Variants in ANK3 observed in about 807,000 individuals in gnomAD.
ANK3 encodes the protein ankyrin-3.
A neutral mutation model predicts 370.9 loss-of-function variants in ANK3; 57 were observed. The observed-to-expected ratio is 0.15, with a 90% CI of 0.12 to 0.19. The LOEUF is 0.19. Among genes scored for constraint, ANK3 ranks in the 10% least tolerant of loss-of-function variants. ANK3 has a pLI of 1.00. For synonymous variants in ANK3, 1,929 were observed against 1,946.3 expected (o/e 0.99, Z 0.23); for missense variants, 4,439 against 5,302.1 (o/e 0.84, Z 5.06).
At chr10:60,057,795 G>A (rs2079513468) in intron 41 of ANK3, among the ~76,000 whole-genome samples, 5 of 152,158 alleles carry the variant, frequency 3.3e-5, no homozygotes, top group Admixed American at 2.6e-4. Context: ...TCCCTGATAT[G>A]TAACTATAAA....
At chr10:60,111,484 G>A (rs2092705153) in intron 26 of ANK3, among the ~76,000 whole-genome samples, 1 of 152,078 alleles carries the variant, frequency 6.6e-6, no homozygotes, top group African/African-American at 2.4e-5. Flanking sequence ...GTGTGAAAAA[G>A]TCATGCAACA....
At chr10:60,358,585 C>A (rs1210163924) in intron 1 of ANK3, among the ~76,000 whole-genome samples, 1 of 152,178 alleles carries the variant, frequency 6.6e-6, no homozygotes, top group Non-Finnish European at 1.5e-5. Flanking sequence ...AAATTCAATA[C>A]ACTCACAGAT....
Position 60,068,657 on chromosome 10 carries a change from T to C in ANK3, c.12224A>G (p.Lys4075Arg), listed in dbSNP as rs2082088543. Reference sequence around the variant, plus strand: ...CTCACCAGTCCTTCTACTGCTCCTTTTCTCACTGCCGGCCTTTTCACTCTT... The same window carrying C: ...CTCACCAGTCCTTCTACTGCTCCTTCTCTCACTGCCGGCCTTTTCACTCTT... ...KSKSEKAGSE[K>R]RSSRRTGPQS... The change falls in exon 37 of 44, where the codon AAA (lysine) becomes AGA (arginine). Residue 4075 changes from lysine to arginine, a missense_variant. Lys to Arg is a conservative substitution (Grantham distance 26). This residue lies in a region of ANK3 where 99 missense variants were observed against 150.7 expected (regional missense o/e 0.66). Coordinates refer to ENST00000280772, the MANE Select transcript of ANK3 (RefSeq NM_020987.5). 4.3e-6 allele frequency: 7 copies of C among 1,609,868 alleles called. No homozygotes were observed. The highest frequency in any genetic ancestry group is 5.9e-6 in the Non-Finnish European group (7 of 1,177,500).
At chr10:60,402,905 G>C (rs774346206) in intron 2 of ANK3, among the ~76,000 whole-genome samples, 5 of 152,124 alleles carry the variant, frequency 3.3e-5, no homozygotes, top group African/African-American at 4.8e-5. Flanking sequence ...TACATAAGTG[G>C]TTATTATTTT....
intron 2 of ANK3, among the ~76,000 whole-genome samples, chr10:60,472,300 C>T (rs1405500215): frequency 6.6e-6 from 1 of 152,112 alleles, no homozygotes; most frequent in Non-Finnish European, 1.5e-5. Context: ...TTGAGACTAA[C>T]TCAAGGTCAG....
intron 21 of ANK3, 104 bp from the exon 22 acceptor site, chr10:60,167,000 T>C: frequency 3.3e-6 from 3 of 899,782 alleles, no homozygotes; most frequent in African/African-American, 1.7e-5. Context: ...ATGTATGTGT[T>C]GAATATCTTG....
chr10:60,333,673 T>G lies in ANK3; in HGVS notation c.115-54034A>C, dbSNP rs576576036. Among the ~76,000 whole-genome samples the G allele has an allele frequency of 6.6e-5, 10 of 152,326 alleles. No individual in the cohort carries two copies. In the East Asian group the frequency reaches 1.9e-3, roughly 29 times the overall value. Reference sequence around the variant, plus strand: ...TTGGGTATACACCCAGTAATGGGATTGCTGGGTCAAATGGTATTTCTAGTT... The same window carrying G: ...TTGGGTATACACCCAGTAATGGGATGGCTGGGTCAAATGGTATTTCTAGTT... On this transcript the variant is annotated intron_variant, in intron 1 of 43. Transcript: ENST00000280772.
intron 2 of ANK3, among the ~76,000 whole-genome samples, chr10:60,544,192 A>C (rs911889806): frequency 1.3e-5 from 2 of 152,044 alleles, no homozygotes; most frequent in African/African-American, 4.8e-5. Context: ...AAATATCCAT[A>C]TATGTTTTAT....
intron 2 of ANK3, among the ~76,000 whole-genome samples, chr10:60,481,534 C>T (rs1440833186): frequency 6.6e-6 from 1 of 152,250 alleles, no homozygotes; most frequent in East Asian, 1.9e-4. Flanking sequence ...GCAATCTCGG[C>T]TCACTGTAAC....
chr10:60,142,395 A>G (rs186391006), intron 23 of ANK3, among the ~76,000 whole-genome samples: 58 of 152,308 alleles, frequency 3.8e-4, no homozygotes, highest in Non-Finnish European at 6.6e-4. Context: ...ACATCTGCTT[A>G]GTCTTTCCCA....
intron 2 of ANK3, among the ~76,000 whole-genome samples, chr10:60,548,424 T>C (rs1390871842): frequency 6.6e-6 from 1 of 151,748 alleles, no homozygotes; most frequent in Non-Finnish European, 1.5e-5. Context: ...TGTTTGTTTG[T>C]TTTTTAGTAG....
intron 1 of ANK3, among the ~76,000 whole-genome samples, chr10:60,639,149 TTAAG>T (rs1354304712): frequency 1.3e-5 from 2 of 151,484 alleles, no homozygotes; most frequent in Non-Finnish European, 2.9e-5. Context: ...AAAGGACACA[TTAAG>T]TAAGAGCAAA....
intron 23 of ANK3, among the ~76,000 whole-genome samples, chr10:60,149,784 C>T (rs920301540): frequency 6.6e-6 from 1 of 152,248 alleles, no homozygotes; most frequent in African/African-American, 2.4e-5. Flanking sequence ...TCTCGGCTCA[C>T]TGCAACCTCC....
In ANK3 at chr10:60,418,203, T is replaced by A. The variant is rs144893933; in HGVS notation, c.97-138564A>T. Among the ~76,000 whole-genome samples, 920 of 152,294 alleles carry A rather than the reference T, an allele frequency of 6.0e-3. 9 individuals are homozygous for A. The highest frequency in any genetic ancestry group is 8.9e-3 in the Non-Finnish European group (608 of 68,018). On this transcript the variant is annotated intron_variant, in intron 2 of 43. Transcript: ENST00000373827. ...TCCAGGTCACAGCCAGAATGGTCCA[T>A]CTGAAGCACCACTGTGACTATGTTT...
At chr10:60,146,420 G>A (rs993562348) in intron 23 of ANK3, among the ~76,000 whole-genome samples, 6 of 152,178 alleles carry the variant, frequency 3.9e-5, no homozygotes, top group Non-Finnish European at 1.5e-5. Context: ...CATAGTACCT[G>A]ATAGACAGTT....
intron 1 of ANK3, among the ~76,000 whole-genome samples, chr10:60,360,841 C>G (rs1208425239): frequency 6.6e-6 from 1 of 151,804 alleles, no homozygotes; most frequent in African/African-American, 2.4e-5. Context: ...CGTGTAAAAC[C>G]CTTATTTAAA....
At chr10:60,271,097 T>C (rs540093388) in intron 4 of ANK3, among the ~76,000 whole-genome samples, 61 of 152,338 alleles carry the variant, frequency 4.0e-4, no homozygotes, top group African/African-American at 1.5e-3. Flanking sequence ...TAGAATAATG[T>C]ATTTCATATC....
intron 21 of ANK3, among the ~76,000 whole-genome samples, chr10:60,169,378 T>C (rs1055633947): frequency 4.0e-5 from 6 of 150,672 alleles, no homozygotes; most frequent in African/African-American, 1.5e-4. Context: ...TTTTTTTTTT[T>C]TTTTTTTTTT....
chr10:60,536,414 T>C (rs1038689800), intron 2 of ANK3, among the ~76,000 whole-genome samples: 2 of 152,046 alleles, frequency 1.3e-5, no homozygotes, highest in African/African-American at 4.8e-5. Flanking sequence ...ATTAGAGAAA[T>C]GCCACCTGAA....
Sources: gnomAD v4.1 joint callset for allele counts (sites outside exome capture counted in the v4.1 genomes callset) on GRCh38, gnomAD v4.1.1 for gene constraint, gnomAD v4.1.1 regional missense constraint, MANE v1.5 for transcripts, NCBI Gene and HGNC (gene_info 2026-07-23, HGNC 2026-07-21) for gene names.